Variants in NAALAD2 observed in about 807,000 individuals in gnomAD.
The protein encoded by NAALAD2 is N-acetylated alpha-linked acidic dipeptidase 2.
In NAALAD2, 89 loss-of-function variants were observed where a neutral mutation model predicts 95.6. The observed-to-expected ratio is 0.93, with a 90% CI of 0.78 to 1.11. The LOEUF is 1.11. Ranked by LOEUF, NAALAD2 falls within the 50% of genes least tolerant of loss-of-function variation. NAALAD2 has a pLI of 0.00. For synonymous variants in NAALAD2, 264 were observed against 294.4 expected (o/e 0.90, Z 1.06); for missense variants, 894 against 872.4 (o/e 1.02, Z -0.31).
chr11:90,156,140 T>C (rs945628628), intron 6 of NAALAD2, among the ~76,000 whole-genome samples: 2 of 152,038 alleles, frequency 1.3e-5, no homozygotes, highest in Non-Finnish European at 2.9e-5. Flanking sequence ...CTGATCTGTC[T>C]TGTTGGAAGT....
At chr11:90,154,245 C>G (rs776981882) in intron 6 of NAALAD2, among the ~76,000 whole-genome samples, 5 of 151,832 alleles carry the variant, frequency 3.3e-5, no homozygotes, top group Non-Finnish European at 5.9e-5. Flanking sequence ...GGGAAAGTAT[C>G]CAGTCTTTCT....
intron 15 of NAALAD2, 75 bp from the exon 16 acceptor site, chr11:90,177,778 T>G (rs918377766): frequency 2.6e-5 from 36 of 1,384,646 alleles, no homozygotes; most frequent in African/African-American, 1.5e-5. Flanking sequence ...TATAGTTATT[T>G]TTATGCTTAC....
At chr11:90,148,969 G>T (rs1951819663) in intron 3 of NAALAD2, 37 bp from the exon 4 acceptor site, 1 of 1,312,390 alleles carries the variant, frequency 7.6e-7, no homozygotes, top group African/African-American at 1.5e-5. Context: ...TAATAATCTG[G>T]AATTTTTCTA....
In NAALAD2 at chr11:90,134,706, GC is replaced by G. The variant is rs1951410119; in HGVS notation, c.-49del. ...CCAGCGCGCTCTCTGTTTCTCTGCA[GC>G]CCCGAAGCTCGCGAATGTAGCAGGC... On this transcript the variant is annotated 5_prime_UTR_variant, in exon 1 of 19. Transcript: ENST00000534061. The G allele has an allele frequency of 6.3e-7, 1 of 1,580,014 alleles. No homozygotes were observed. The highest frequency in any genetic ancestry group is 1.7e-5 in the Admixed American group (1 of 59,932).
At chr11:90,138,590 G>A (rs529047103) in intron 2 of NAALAD2, among the ~76,000 whole-genome samples, 2 of 152,074 alleles carry the variant, frequency 1.3e-5, no homozygotes, top group East Asian at 1.9e-4. Context: ...TGCTTCTTCT[G>A]TGTCTTCTTC....
At position 90,163,308 on chromosome 11, in the gene NAALAD2, A is replaced by C; in HGVS notation, c.1076-2A>C. 1 of 1,611,468 alleles carries C rather than the reference A, an allele frequency of 6.2e-7. No individual in the cohort carries two copies. The highest frequency in any genetic ancestry group is 1.7e-5 in the Admixed American group (1 of 59,446). ...AGGTTTCTTGAACGTATTATTTTCCAGACAGGTATGTTATTCTGGGAGGTC... is the reference window on the plus strand; with the variant it reads ...AGGTTTCTTGAACGTATTATTTTCCCGACAGGTATGTTATTCTGGGAGGTC... On this transcript the variant is annotated splice_acceptor_variant, in intron 9 of 18. Coordinates refer to ENST00000534061, the MANE Select transcript of NAALAD2 (RefSeq NM_005467.4). LOFTEE classifies it high-confidence loss of function.
intron 2 of NAALAD2, among the ~76,000 whole-genome samples, chr11:90,144,740 TAAAA>T (rs773275468): frequency 1.1e-5 from 1 of 90,930 alleles, no homozygotes; most frequent in African/African-American, 4.9e-5. Flanking sequence ...AAAACTCCAT[TAAAA>T]AAAAAAAAAA....
intron 11 of NAALAD2, among the ~76,000 whole-genome samples, chr11:90,167,330 G>T (rs1321523877): frequency 6.6e-6 from 1 of 152,208 alleles, no homozygotes; most frequent in Non-Finnish European, 1.5e-5. Context: ...TTAGCGCCTG[G>T]GCCAGCAGCT....
chr11:90,145,853 A>T (rs1951739367), intron 2 of NAALAD2, among the ~76,000 whole-genome samples: 1 of 152,196 alleles, frequency 6.6e-6, no homozygotes, highest in African/African-American at 2.4e-5. Flanking sequence ...GAGTAGAGGA[A>T]TTTATAAGAG....
At chr11:90,173,514 A>C (rs1294622679) in intron 13 of NAALAD2, among the ~76,000 whole-genome samples, 1 of 152,184 alleles carries the variant, frequency 6.6e-6, no homozygotes, top group Non-Finnish European at 1.5e-5. Context: ...ACATTAATTA[A>C]AATGGCATTT....
intron 18 of NAALAD2, among the ~76,000 whole-genome samples, chr11:90,185,404 C>A (rs1031170665): frequency 2.6e-4 from 39 of 152,056 alleles, no homozygotes; most frequent in African/African-American, 9.2e-4. Context: ...GGTGAGGTGG[C>A]TCACACTTGT....
intron 18 of NAALAD2, among the ~76,000 whole-genome samples, chr11:90,184,516 C>T (rs538748312): frequency 5.5e-4 from 83 of 152,164 alleles, no homozygotes; most frequent in African/African-American, 1.9e-3. Context: ...ATGGATCAAA[C>T]AAAAGCCGAA....
intron 3 of NAALAD2, among the ~76,000 whole-genome samples, 162 bp from the exon 4 acceptor site, chr11:90,148,844 A>G (rs1464573757): frequency 6.6e-6 from 1 of 152,222 alleles, no homozygotes; most frequent in East Asian, 1.9e-4. Context: ...GGAAGACAAT[A>G]ATAATGATAA....
intron 15 of NAALAD2, among the ~76,000 whole-genome samples, chr11:90,177,586 G>GTTTTGTTTTTTTTTTTTTT (rs1952833043): frequency 7.0e-5 from 2 of 28,456 alleles, no homozygotes; most frequent in African/African-American, 2.8e-4. Context: ...TCTTTTTCTT[G>GTTTTGTTTTTTTTTTTTTT]TTTTTTTTTT....
chr11:90,149,392 G>T (rs1444680594), intron 4 of NAALAD2, among the ~76,000 whole-genome samples: 1 of 152,126 alleles, frequency 6.6e-6, no homozygotes, highest in Non-Finnish European at 1.5e-5. Context: ...ATGCCTTTCA[G>T]TGAGGCAGTA....
intron 11 of NAALAD2, among the ~76,000 whole-genome samples, chr11:90,167,011 G>A (rs1233251821): frequency 2.6e-5 from 4 of 152,276 alleles, no homozygotes; most frequent in South Asian, 2.1e-4. Context: ...TTAGCCAGGC[G>A]TCGTGGTGAG....
At position 90,159,833 on chromosome 11, in the gene NAALAD2, A is replaced by C. The variant is rs763575261; in HGVS notation, c.989+496A>C. 3.4e-5 allele frequency among the ~76,000 whole-genome samples: 5 copies of C among 145,808 alleles called. No homozygotes were observed. In the Admixed American group the frequency reaches 3.8e-4, roughly 11 times the overall value. ...AGGTGTGATGGTGGTGCATGCCTGT[A>C]ATCCCAGCTACTTGGGAGGCTGAGG... is the stretch of plus-strand genomic sequence containing the variant. On this transcript the variant is annotated intron_variant, in intron 8 of 18. Transcript: ENST00000534061.
chr11:90,156,811 T>G (rs1952130791), intron 6 of NAALAD2, among the ~76,000 whole-genome samples: 1 of 152,206 alleles, frequency 6.6e-6, no homozygotes, highest in Admixed American at 6.5e-5. Context: ...CTGAGTGTTT[T>G]TATTTTTATT....
intron 2 of NAALAD2, 86 bp downstream of exon 2, chr11:90,135,756 G>GGACA: frequency 9.6e-7 from 1 of 1,043,532 alleles, no homozygotes; most frequent in Non-Finnish European, 1.4e-6. Flanking sequence ...ATATGCATGA[G>GGACA]GACAGTCTTC....
Sources: allele counts gnomAD v4.1 joint callset (sites outside exome capture counted in the v4.1 genomes callset), GRCh38; gene constraint gnomAD v4.1.1; transcripts MANE v1.5; gene names NCBI Gene and HGNC (gene_info 2026-07-23, HGNC 2026-07-21).